DOCK10: variants seen among roughly 807,000 people sequenced by gnomAD.
The protein encoded by DOCK10 is dedicator of cytokinesis 10.
In DOCK10, 145 loss-of-function variants were observed where a neutral mutation model predicts 280.1. The observed-to-expected ratio is 0.52, with a 90% confidence interval of 0.45 to 0.59. The LOEUF (loss-of-function observed/expected upper bound fraction) is 0.59. Ranked by LOEUF, DOCK10 falls within the 20% of genes least tolerant of loss-of-function variation. The pLI is 0.00. For synonymous variants in DOCK10, 915 were observed against 942.2 expected, an observed-to-expected ratio of 0.97 and a Z score of 0.53; for missense variants, 2,368 against 2,651.7, an observed-to-expected ratio of 0.89 and a Z score of 2.35.
At chr2:224,926,903 C>T (rs1206206985) in intron 2 of DOCK10, among the ~76,000 whole-genome samples, 5 of 152,164 alleles carry the variant, frequency 3.3e-5, no homozygotes. Context: ...TGCTGAAAAT[C>T]TTTCAACAAT....
intron 1 of DOCK10, among the ~76,000 whole-genome samples, chr2:225,001,518 G>A (rs1706430364): frequency 6.6e-6 from 1 of 152,030 alleles, no homozygotes; most frequent in Non-Finnish European, 1.5e-5. Context: ...TTGATCTCCT[G>A]ACCTTGTGAT....
Position 224,926,240 on chromosome 2 carries a change from T to C in DOCK10, c.243+5309A>G, listed in dbSNP as rs76798615. On this transcript the variant is annotated intron_variant, in intron 2 of 55. Coordinates refer to ENST00000258390, the MANE Select transcript of DOCK10 (RefSeq NM_014689.3). The stretch of plus-strand genomic sequence containing the variant: ...GCCAAAATAAAGGAAAGTGCTTCTG[T>C]GTCAGGCCCTCAACCTGGAAGAAAA... Among the ~76,000 whole-genome samples, 959 of 152,346 alleles carry C rather than the reference T, an allele frequency of 6.3e-3. 11 individuals carry two copies. Among genetic ancestry groups the C allele is most frequent in the African/African-American group, 0.02 (829 of 41,582 alleles).
intron 1 of DOCK10, among the ~76,000 whole-genome samples, chr2:224,943,294 C>T (rs1703196316): frequency 6.6e-6 from 1 of 152,006 alleles, no homozygotes; most frequent in African/African-American, 2.4e-5. Flanking sequence ...ATAAGGGAAA[C>T]TTTCAAAACA....
At chr2:224,813,637 A>G (rs2125274644) in intron 31 of DOCK10, among the ~76,000 whole-genome samples, 1 of 152,344 alleles carries the variant, frequency 6.6e-6, no homozygotes, top group Non-Finnish European at 1.5e-5. Flanking sequence ...TAAGGGAGGT[A>G]TGATTAATAT....
At chr2:224,839,084 C>CTTTTT (rs67901319) in intron 24 of DOCK10, among the ~76,000 whole-genome samples, 1 of 150,366 alleles carries the variant, frequency 6.7e-6, no homozygotes. Flanking sequence ...GTTCATAGCA[C>CTTTTT]TTCTTTTTTT....
intron 3 of DOCK10, among the ~76,000 whole-genome samples, chr2:224,910,795 G>A (rs951556569): frequency 1.1e-4 from 17 of 152,038 alleles, no homozygotes; most frequent in South Asian, 2.1e-4. Context: ...TTATCATCAC[G>A]GGATATTTGT....
chr2:224,895,475 G>A (rs1022341207), intron 4 of DOCK10, among the ~76,000 whole-genome samples: 24 of 152,262 alleles, frequency 1.6e-4, no homozygotes, highest in East Asian at 3.9e-4. Flanking sequence ...CTTTAAATAT[G>A]AGCAACTCCA....
chr2:224,998,773 C>G (rs755116938), intron 1 of DOCK10, among the ~76,000 whole-genome samples: 17 of 152,174 alleles, frequency 1.1e-4, no homozygotes, highest in Non-Finnish European at 2.1e-4. Context: ...CAAGCATTTA[C>G]TATACCCAAC....
intron 1 of DOCK10, among the ~76,000 whole-genome samples, chr2:224,963,916 A>T (rs1281788287): frequency 1.3e-5 from 2 of 151,854 alleles, no homozygotes; most frequent in African/African-American, 4.8e-5. Context: ...AAAGGGAAGA[A>T]TTTGATGTAC....
intron 1 of DOCK10, among the ~76,000 whole-genome samples, chr2:225,029,546 C>T (rs935325132): frequency 1.3e-5 from 2 of 152,170 alleles, no homozygotes; most frequent in African/African-American, 4.8e-5. Context: ...AAATGTAGCA[C>T]AGTTTTTCTT....
At chr2:224,946,961 A>G in intron 1 of DOCK10, 1 of 1,537,530 alleles carries the variant, frequency 6.5e-7, no homozygotes, top group Non-Finnish European at 8.8e-7. Context: ...TCGTATTGCT[A>G]TAATTTGAGT....
intron 27 of DOCK10, among the ~76,000 whole-genome samples, chr2:224,826,380 A>T (rs1694851426): frequency 6.6e-6 from 1 of 152,128 alleles, no homozygotes; most frequent in Admixed American, 6.5e-5. Flanking sequence ...AGGAAACTGG[A>T]ACTCACGCTG....
chr2:224,835,930 TA>T (rs150907795), intron 25 of DOCK10, among the ~76,000 whole-genome samples: 14,452 of 152,240 alleles, frequency 0.095, 952 homozygotes, highest in Middle Eastern at 0.17. Context: ...ATACCCTGGT[TA>T]AAAATAAAGG....
At chr2:224,915,694 CTACTTTCAGTTTGACCTG>C (rs1701269800) in intron 3 of DOCK10, among the ~76,000 whole-genome samples, 1 of 152,208 alleles carries the variant, frequency 6.6e-6, no homozygotes, top group Non-Finnish European at 1.5e-5. Context: ...TTAGATTCCA[CTACTTTCAGTTTGACCTG>C]TGCTGGGCTA....
intron 3 of DOCK10, among the ~76,000 whole-genome samples, chr2:224,910,139 C>A (rs1018336510): frequency 6.6e-6 from 1 of 152,168 alleles, no homozygotes; most frequent in Admixed American, 6.5e-5. Flanking sequence ...AGCCGCAGGG[C>A]AATGTAGCAC....
At chr2:224,916,569 C>A in intron 3 of DOCK10, 126 bp downstream of exon 3, 5 of 523,450 alleles carry the variant, frequency 9.6e-6, no homozygotes, top group Non-Finnish European at 1.3e-5. Flanking sequence ...AAAAGACATC[C>A]ACTAGTTAGA....
At chr2:224,991,408 A>G (rs1706124024) in intron 1 of DOCK10, among the ~76,000 whole-genome samples, 1 of 152,236 alleles carries the variant, frequency 6.6e-6, no homozygotes, top group South Asian at 2.1e-4. Context: ...AAAGGCACAT[A>G]GTACAAAACA....
At chr2:224,875,210 C>T (rs1698544118) in intron 8 of DOCK10, among the ~76,000 whole-genome samples, 1 of 152,168 alleles carries the variant, frequency 6.6e-6, no homozygotes, top group Non-Finnish European at 1.5e-5. Flanking sequence ...GTGTAAAACA[C>T]CTACTATGGC....
chr2:224,891,111 A>G (rs895725865), intron 4 of DOCK10, among the ~76,000 whole-genome samples: 2 of 152,156 alleles, frequency 1.3e-5, no homozygotes, highest in Non-Finnish European at 2.9e-5. Flanking sequence ...GGGTGGATGG[A>G]TGGACAGGTT....
Sources: allele counts gnomAD v4.1 joint callset (sites outside exome capture counted in the v4.1 genomes callset), GRCh38; gene constraint gnomAD v4.1.1; transcripts MANE v1.5; gene names NCBI Gene and HGNC (gene_info 2026-07-23, HGNC 2026-07-21).